IL23R: variants seen among roughly 807,000 people sequenced by gnomAD.
IL23R encodes interleukin-23 receptor.
A neutral mutation model predicts 56.9 loss-of-function variants in IL23R; 34 were observed. The observed-to-expected ratio is 0.60, with a 90% CI of 0.45 to 0.80. The LOEUF is 0.80. Ranked by LOEUF, IL23R falls within the 30% of genes least tolerant of loss-of-function variation. The pLI, the probability that IL23R is intolerant of heterozygous loss-of-function variation, is 0.00. For synonymous variants in IL23R, 230 were observed against 249.2 expected, an observed-to-expected ratio of 0.92 and a Z score of 0.73; for missense variants, 635 against 730.0, an observed-to-expected ratio of 0.87 and a Z score of 1.50.
upstream of IL23R, chr1:67,166,415 G>A (rs1285812509): frequency 3.3e-5 from 5 of 152,322 alleles, no homozygotes; most frequent in African/African-American, 1.2e-4. Flanking sequence ...CATTTCCATT[G>A]ACCTCAGAAG....
intron 8 of IL23R, among the ~76,000 whole-genome samples, chr1:67,237,104 G>A (rs1651529300): frequency 6.6e-6 from 1 of 152,134 alleles, no homozygotes; most frequent in African/African-American, 2.4e-5. Flanking sequence ...GTGCAATGGT[G>A]CAATCTCGGC....
chr1:67,220,306 T>A (rs1650157499), intron 7 of IL23R, among the ~76,000 whole-genome samples: 1 of 151,568 alleles, frequency 6.6e-6, no homozygotes. Flanking sequence ...GAAGTGGAGG[T>A]TGCAGTGAAC....
chr1:67,172,285 TATC>T (rs1338775721), intron 3 of IL23R, among the ~76,000 whole-genome samples: 2 of 152,216 alleles, frequency 1.3e-5, no homozygotes, highest in African/African-American at 4.8e-5. Flanking sequence ...TATGTCAACT[TATC>T]ATCACTGCTT....
intron 9 of IL23R, among the ~76,000 whole-genome samples, chr1:67,240,638 T>C (rs1171834734): frequency 6.6e-6 from 1 of 152,218 alleles, no homozygotes; most frequent in Admixed American, 6.5e-5. Context: ...GCGTTTTCCA[T>C]TGTGCCTCAA....
At chr1:67,141,917 G>C (rs752798259) in intron 1 of IL23R, among the ~76,000 whole-genome samples, 1 of 152,144 alleles carries the variant, frequency 6.6e-6, no homozygotes, top group Non-Finnish European at 1.5e-5. Context: ...AGGGGGAAGC[G>C]TATTACAGAA....
intron 7 of IL23R, 54 bp from the exon 8 acceptor site, chr1:67,236,659 T>C: frequency 8.8e-7 from 1 of 1,141,780 alleles, no homozygotes; most frequent in South Asian, 1.2e-5. Flanking sequence ...TTGGGAAATT[T>C]GGCAAGCAGA....
intron 1 of IL23R, among the ~76,000 whole-genome samples, chr1:67,155,594 C>G (rs575860553): frequency 6.6e-6 from 1 of 152,254 alleles, no homozygotes; most frequent in East Asian, 1.9e-4. Context: ...GCTATCGATA[C>G]TTGTGTATGC....
intron 1 of IL23R, among the ~76,000 whole-genome samples, chr1:67,167,018 T>A (rs913517772): frequency 7.2e-5 from 11 of 152,232 alleles, no homozygotes; most frequent in Non-Finnish European, 8.8e-5. Context: ...ATAGTGTAAC[T>A]CTAGTTGTAA....
chr1:67,209,030 G>T (rs184026592), intron 6 of IL23R, among the ~76,000 whole-genome samples: 3 of 152,240 alleles, frequency 2.0e-5, no homozygotes, highest in Admixed American at 6.5e-5. Flanking sequence ...AAGATCATTT[G>T]GGAGCTTTAA....
intron 3 of IL23R, among the ~76,000 whole-genome samples, chr1:67,175,524 T>C (rs1646996587): frequency 6.6e-6 from 1 of 152,154 alleles, no homozygotes. Context: ...CCCCAGCAAC[T>C]GCCATTCTAC....
In IL23R at chr1:67,199,702, T is replaced by C. The variant is rs1294365788; in HGVS notation, c.492-1035T>C. Among the ~76,000 whole-genome samples the C allele has an allele frequency of 2.0e-5, 3 of 152,310 alleles. No individual in the cohort carries two copies. In the East Asian group the frequency reaches 5.8e-4, roughly 29 times the overall value. On this transcript the variant is annotated intron_variant, in intron 4 of 10. Transcript: ENST00000347310. The stretch of plus-strand genomic sequence containing the variant: ...GTATTTTATATATTTATATAATATA[T>C]ACGCTCATTGTTTTTTTAATGGAGG...
At chr1:67,184,735 C>T (rs968728823) in intron 4 of IL23R, among the ~76,000 whole-genome samples, 1 of 151,814 alleles carries the variant, frequency 6.6e-6, no homozygotes, top group African/African-American at 2.4e-5. Flanking sequence ...AAGCACTGGG[C>T]CAAGAGCTTT....
chr1:67,156,549 T>A (rs963918467), intron 1 of IL23R, among the ~76,000 whole-genome samples: 1 of 152,182 alleles, frequency 6.6e-6, no homozygotes, highest in Non-Finnish European at 1.5e-5. Context: ...CTGGCCACAG[T>A]CGCTTTGCTG....
chr1:67,261,270 C>T (rs947739873), downstream of IL23R, among the ~76,000 whole-genome samples: 6 of 150,994 alleles, frequency 4.0e-5, no homozygotes, highest in African/African-American at 1.5e-4. Context: ...TATGGTCACT[C>T]AAGACTACTT....
chr1:67,244,452 T>G (rs1022940895), intron 9 of IL23R, among the ~76,000 whole-genome samples: 1 of 152,136 alleles, frequency 6.6e-6, no homozygotes, highest in Non-Finnish European at 1.5e-5. Flanking sequence ...TTAGGTCTTA[T>G]GTTTAAGTAT....
intron 7 of IL23R, among the ~76,000 whole-genome samples, chr1:67,228,635 T>C (rs530062114): frequency 6.6e-6 from 1 of 152,234 alleles, no homozygotes; most frequent in African/African-American, 2.4e-5. Context: ...AAATCCAAAA[T>C]CACAACCACT....
rs567994602 is a variant in IL23R, at chr1:67,239,799, T to C, written c.1046-380T>C. 2.0e-5 allele frequency among the ~76,000 whole-genome samples: 3 copies of C among 152,286 alleles called. No homozygotes were observed. In the South Asian group the frequency reaches 6.2e-4, roughly 32 times the overall value. ...CACAAAAAGTTAAAAAAAATCAGTA[T>C]GATTGTAACCAGCTTTAGACATTGT... On this transcript the variant is annotated intron_variant, in intron 8 of 10. Coordinates refer to ENST00000347310, the MANE Select transcript of IL23R (RefSeq NM_144701.3).
intron 3 of IL23R, among the ~76,000 whole-genome samples, chr1:67,178,401 T>A (rs928119960): frequency 9.9e-5 from 15 of 152,236 alleles, no homozygotes; most frequent in African/African-American, 1.9e-4. Context: ...GAGTTCACTT[T>A]TGATTTGGCT....
At chr1:67,163,425 T>A (rs1028133362), upstream of IL23R, among the ~76,000 whole-genome samples, 54 of 117,554 alleles carry the variant, frequency 4.6e-4, no homozygotes, top group African/African-American at 1.8e-3. Flanking sequence ...CCAGAGATCA[T>A]GCCACTGCAC....
Sources: allele counts gnomAD v4.1 joint callset (sites outside exome capture counted in the v4.1 genomes callset), GRCh38; gene constraint gnomAD v4.1.1; transcripts MANE v1.5; gene names NCBI Gene and HGNC (gene_info 2026-07-23, HGNC 2026-07-21).